The following C6orf163 variants were observed in gnomAD, a reference collection of about 807,000 sequenced individuals.
The protein encoded by C6orf163 is uncharacterized protein C6orf163.
Under a neutral mutation model 28.4 loss-of-function variants are expected in C6orf163, and 22 were observed. That is an observed-to-expected ratio of 0.78 (90% CI 0.55 to 1.11). C6orf163 has a LOEUF of 1.11. Ranked by LOEUF, C6orf163 falls within the 50% of genes least tolerant of loss-of-function variation. C6orf163 has a pLI of 0.00. For synonymous variants in C6orf163, 110 were observed against 123.6 expected, an observed-to-expected ratio of 0.89 and a Z score of 0.73; for missense variants, 342 against 389.1, an observed-to-expected ratio of 0.88 and a Z score of 1.02.
chr6:87,363,647 T>C (rs1384072579), intron 4 of C6orf163, among the ~76,000 whole-genome samples: 1 of 151,934 alleles, frequency 6.6e-6, no homozygotes, highest in Non-Finnish European at 1.5e-5. Flanking sequence ...ATTTGCAATT[T>C]CATCCATGTC....
chr6:87,345,538 G>A (rs897158220), intron 1 of C6orf163, among the ~76,000 whole-genome samples: 2 of 152,106 alleles, frequency 1.3e-5, no homozygotes, highest in African/African-American at 4.8e-5. Context: ...ATAAATCCTG[G>A]CACATAATAG....
intron 3 of C6orf163, among the ~76,000 whole-genome samples, chr6:87,355,484 C>G (rs1335319634): frequency 6.6e-6 from 1 of 152,052 alleles, no homozygotes; most frequent in African/African-American, 2.4e-5. Flanking sequence ...CTGCCTGAGC[C>G]TGGGAGGTGG....
chr6:87,346,909 T>C (rs1273539495), intron 1 of C6orf163, among the ~76,000 whole-genome samples: 1 of 152,234 alleles, frequency 6.6e-6, no homozygotes, highest in African/African-American at 2.4e-5. Context: ...TCCATTGATA[T>C]CTTACATAAT....
chr6:87,355,969 T>C (rs966587252), intron 3 of C6orf163, among the ~76,000 whole-genome samples: 1 of 152,234 alleles, frequency 6.6e-6, no homozygotes, highest in Non-Finnish European at 1.5e-5. Context: ...TATGTAATTA[T>C]GTATAATGAT....
rs1034226092 is a variant in C6orf163 at position 87,348,710 on chromosome 6, C to T, written c.149-102C>T. On this transcript the variant is annotated intron_variant, in intron 1 of 4. Coordinates refer to ENST00000388923, the MANE Select transcript of C6orf163 (RefSeq NM_001010868.3). ...TATATACTGGCATCTCCTAAAAGGA[C>T]GTGTCTCCTAAATAGCCCTCATAAA... 1.0e-4 allele frequency: 148 copies of T among 1,464,044 alleles called. 1 individual carries two copies. The Admixed American group carries it at 1.8e-3, about 17-fold the overall frequency. The allele number at this position is 1,464,044 out of a possible 1,614,324, so 90.7% of individuals were successfully genotyped here. A position where few individuals can be genotyped will look rare whatever the true frequency, so the allele number is the denominator to read the frequency against.
chr6:87,354,518 C>T (rs1026063436), intron 3 of C6orf163, among the ~76,000 whole-genome samples: 1 of 152,152 alleles, frequency 6.6e-6, no homozygotes, highest in African/African-American at 2.4e-5. Flanking sequence ...GTGTTAAAGA[C>T]ATTTAGAAAC....
intron 3 of C6orf163, among the ~76,000 whole-genome samples, chr6:87,351,799 CA>C (rs113253429): frequency 0.016 from 2,402 of 152,292 alleles, 59 homozygotes; most frequent in African/African-American, 0.053. Flanking sequence ...CCCAATCCAG[CA>C]ATTTAAAAGG....
intron 4 of C6orf163, chr6:87,357,213 A>G (rs1271567712): frequency 6.6e-6 from 1 of 152,144 alleles, no homozygotes; most frequent in East Asian, 1.9e-4. Context: ...CACGGTAACT[A>G]TTTCTATATA....
At chr6:87,355,421 C>A (rs1426887660) in intron 3 of C6orf163, among the ~76,000 whole-genome samples, 2 of 151,972 alleles carry the variant, frequency 1.3e-5, no homozygotes, top group Non-Finnish European at 2.9e-5. Context: ...ATTAGCCAGG[C>A]ATGGTGGCAA....
intron 4 of C6orf163, among the ~76,000 whole-genome samples, chr6:87,361,957 C>T (rs1160106884): frequency 6.6e-6 from 1 of 152,156 alleles, no homozygotes; most frequent in Non-Finnish European, 1.5e-5. Flanking sequence ...GCTCACCCCA[C>T]TAAGATTCAG....
At chr6:87,356,137 T>C in intron 3 of C6orf163, 164 bp from the exon 4 acceptor site, 1 of 620,398 alleles carries the variant, frequency 1.6e-6, no homozygotes. Context: ...TAACATCATA[T>C]AAATAAAAGT....
chr6:87,348,791 C>CA, intron 1 of C6orf163, 21 bp from the exon 2 acceptor site: 1 of 1,535,918 alleles, frequency 6.5e-7, no homozygotes, highest in South Asian at 1.2e-5. Flanking sequence ...GGTTTGTGAC[C>CA]ATTGCTCTTC....
chr6:87,345,319 A>C, intron 1 of C6orf163, 72 bp downstream of exon 1: 1 of 1,374,016 alleles, frequency 7.3e-7, no homozygotes, highest in Non-Finnish European at 9.5e-7. Flanking sequence ...TGTTACATAG[A>C]CTTTTATCAG....
chr6:87,346,999 T>C (rs1037605096), intron 1 of C6orf163, among the ~76,000 whole-genome samples: 1 of 152,124 alleles, frequency 6.6e-6, no homozygotes, highest in African/African-American at 2.4e-5. Context: ...TACACTTTTT[T>C]CCCCCGGCAT....
chr6:87,348,371 C>T, intron 1 of C6orf163: 1 of 987,412 alleles, frequency 1.0e-6, no homozygotes, highest in Non-Finnish European at 1.2e-6. Context: ...CAAAGAACCA[C>T]ATGCTAAAGA....
chr6:87,360,638 T>A (rs1183822522), intron 4 of C6orf163, among the ~76,000 whole-genome samples: 1 of 152,162 alleles, frequency 6.6e-6, no homozygotes, highest in Non-Finnish European at 1.5e-5. Context: ...TGACTTCAAG[T>A]GATCCACTTG....
In C6orf163 at chr6:87,365,206, A is replaced by T. The variant is rs770366853; in HGVS notation, c.800A>T (p.Gln267Leu). The T allele has an allele frequency of 1.7e-5, 26 of 1,551,702 alleles. No homozygotes were observed. In the Middle Eastern group the frequency reaches 5.0e-4, roughly 30 times the overall value. ...TQGELLSIAK[Q>L]LGIMTNWKDF... The stretch of plus-strand genomic sequence containing the variant: ...GGGGAGCTGCTGTCTATAGCAAAAC[A>T]ACTGGGAATCATGACAAATTGGAAA... The change falls in exon 5 of 5, where the codon CAA becomes CTA. Residue 267 changes from glutamine (Q) to leucine (L), a missense_variant. Transcript: ENST00000388923.
chr6:87,364,428 A>G (rs1308695763), intron 4 of C6orf163, among the ~76,000 whole-genome samples: 2 of 152,220 alleles, frequency 1.3e-5, no homozygotes. Flanking sequence ...ACTCATATAA[A>G]CAAAAGCTCT....
chr6:87,356,232 T>C, intron 3 of C6orf163, 69 bp from the exon 4 acceptor site: 1 of 1,257,418 alleles, frequency 8.0e-7, no homozygotes, highest in Non-Finnish European at 1.1e-6. Context: ...ATGGTTTAAA[T>C]AGCCTCCTAA....
Sources: allele counts gnomAD v4.1 joint callset (sites outside exome capture counted in the v4.1 genomes callset), GRCh38; gene constraint gnomAD v4.1.1; transcripts MANE v1.5; gene names NCBI Gene and HGNC (gene_info 2026-07-23, HGNC 2026-07-21).